The following ABCB6 variants were observed in gnomAD, a reference collection of about 807,000 sequenced individuals.
ABCB6 encodes the protein ATP-binding cassette sub-family B member 6.
In ABCB6, 87 loss-of-function variants were observed where a neutral mutation model predicts 99.4. That is an observed-to-expected ratio of 0.88 (90% CI 0.74 to 1.05). The LOEUF (loss-of-function observed/expected upper bound fraction) is 1.05. ABCB6 is among the 50% of genes least tolerant of loss of function. ABCB6 has a pLI of 0.00. For synonymous variants in ABCB6, 482 were observed against 447.5 expected, an observed-to-expected ratio of 1.08 and a Z score of -0.97; for missense variants, 1,050 against 1,097.9, an observed-to-expected ratio of 0.96 and a Z score of 0.62.
At chr2:219,212,334 C>T in intron 14 of ABCB6, 53 bp downstream of exon 14, 1 of 1,495,414 alleles carries the variant, frequency 6.7e-7, no homozygotes, top group South Asian at 1.1e-5. Flanking sequence ...CAGCCCTTAT[C>T]ATTCCTCCAC....
rs1456834027 is a variant in ABCB6 at position 219,214,206 on chromosome 2, T to C, written c.1387-20A>G. On this transcript the variant is annotated intron_variant, in intron 7 of 18. Coordinates refer to ENST00000265316, the MANE Select transcript of ABCB6 (RefSeq NM_005689.4). ...CTTCACCTGATGAATTCAAACCAAA[T>C]TTATTTGGCATGGGCACAGCACATG... The C allele has an allele frequency of 1.2e-6, 2 of 1,613,454 alleles. No homozygotes were observed. Among genetic ancestry groups the C allele is most frequent in the East Asian group, 2.2e-5 (1 of 44,886 alleles).
chr2:219,213,524 G>A (rs768056509), intron 10 of ABCB6, 22 bp from the exon 11 acceptor site: 3 of 1,614,092 alleles, frequency 1.9e-6, no homozygotes, highest in East Asian at 4.5e-5. Flanking sequence ...TGCTGGTTAG[G>A]ACTTCTCTGA....
chr2:219,218,393 C>T lies in ABCB6; in HGVS notation c.281G>A (p.Arg94Gln), dbSNP rs1950674956. The T allele has an allele frequency of 9.3e-6, 15 of 1,612,106 alleles. No homozygotes were observed. The highest frequency in any genetic ancestry group is 1.2e-5 in the Non-Finnish European group (14 of 1,179,580). ...TGGGGCCCCCCGGGCAGTGCCCACC[C>T]GGCCAGCCAGGCCGGCCAGGGGCAG... is the stretch of plus-strand genomic sequence containing the variant. ...AALPLAGLAG[R>Q]VGTARGAPLP... Residue 94 changes from arginine to glutamine, a missense_variant, in exon 1 of 19, where the codon CGG (arginine) becomes CAG (glutamine). Transcript: ENST00000265316.
Position 219,216,165 on chromosome 2 carries a change from AG to A in ABCB6, c.985del (p.Leu329CysfsTer93), listed in dbSNP as rs780950528. 11 of 1,595,086 alleles carry A rather than the reference AG, an allele frequency of 6.9e-6. No homozygotes were observed. The highest frequency in any genetic ancestry group is 3.4e-5 in the Admixed American group (2 of 58,282). On this transcript the variant is annotated frameshift_variant, in exon 5 of 19. Transcript: ENST00000265316. LOFTEE classifies it high-confidence loss of function. The surrounding 1 kb of genome is among the most constrained non-coding windows in gnomAD (Gnocchi z 4.2). ...CACCCGGATCCACAGGAAGGTGCGC[AG>A]GTTGCTCACGAAGCCTGCAGGGAGC... is the stretch of plus-strand genomic sequence containing the variant. ...GTGSTGFVSN[L>X]RTFLWIRVQQ...
rs765195871 is a variant in ABCB6 at position 219,212,455 on chromosome 2, G to A, written c.1900C>T (p.Arg634Cys). ...PSGAGKSTIL[R>C]LLFRFYDISS... ...ATGTCGTAGAAGCGAAACAGCAGGC[G>A]CAAAATTGTGCTCTTCCCTGCCCCA... Residue 634 changes from arginine (R) to cysteine (C), a missense_variant, in exon 14 of 19, where the codon CGC (arginine) becomes TGC (cysteine). Arg to Cys is a radical substitution (Grantham distance 180). Transcript: ENST00000265316. 3.2e-5 allele frequency: 51 copies of A among 1,613,968 alleles called. No individual in the cohort carries two copies. Among genetic ancestry groups the A allele is most frequent in the South Asian group, 4.4e-5 (4 of 91,080 alleles).
At chr2:219,215,210 C>T (rs1950624562) in intron 5 of ABCB6, 128 bp from the exon 6 acceptor site, 1 of 1,214,988 alleles carries the variant, frequency 8.2e-7, no homozygotes, top group South Asian at 1.5e-5. Context: ...TTAATTCTAC[C>T]CTCAAGAGGT....
intron 14 of ABCB6, among the ~76,000 whole-genome samples, chr2:219,211,905 A>G (rs1298864273): frequency 6.6e-6 from 1 of 151,750 alleles, no homozygotes; most frequent in Non-Finnish European, 1.5e-5. Flanking sequence ...CTGGGACTAC[A>G]GGCGCCCGCC....
In ABCB6 at chr2:219,210,959, A is replaced by G; in HGVS notation, c.2118T>C (p.His706=). 1 of 1,614,194 alleles carries G rather than the reference A, an allele frequency of 6.2e-7. No homozygotes were observed. Among genetic ancestry groups the G allele is most frequent in the Non-Finnish European group, 8.5e-7 (1 of 1,180,026 alleles). Reference sequence around the variant, plus strand: ...CTTCAGGGAAAGCCATAATGGCATCATGGATGCCTGCAGCCTGAGCAGCAG... The same window carrying G: ...CTTCAGGGAAAGCCATAATGGCATCGTGGATGCCTGCAGCCTGAGCAGCAG... ...VEAAAQAAGI[H]DAIMAFPEGY... The change falls in exon 15 of 19, where the codon CAT becomes CAC. Residue 706 remains histidine (H), a synonymous_variant. Coordinates refer to ENST00000265316, the MANE Select transcript of ABCB6 (RefSeq NM_005689.4).
At chr2:219,210,626 A>G (rs566473962) in intron 16 of ABCB6, 85 bp downstream of exon 16, 61 of 1,600,588 alleles carry the variant, frequency 3.8e-5, no homozygotes, top group Non-Finnish European at 5.0e-5. Flanking sequence ...AATTCATGGT[A>G]TCTGTTCTAG....
In ABCB6 at chr2:219,210,382, T is replaced by C. The variant is rs2106420840; in HGVS notation, c.2350A>G (p.Arg784Gly). The C allele has an allele frequency of 6.2e-7, 1 of 1,614,200 alleles. No individual in the cohort carries two copies. Among genetic ancestry groups the C allele is most frequent in the Non-Finnish European group, 8.5e-7 (1 of 1,180,032 alleles). The part of the protein sequence containing the change: ...ANRTTIVVAH[R>G]LSTVVNADQI... ...CGCCCCAGGCCTGTAGTCCTGTACC[T>C]GTGTGCCACTACGATGGTGGTGCGG... is the stretch of plus-strand genomic sequence containing the variant. Residue 784 changes from arginine (R) to glycine (G), a missense_variant and splice_region_variant, in exon 17 of 19, where the codon AGG becomes GGG. Transcript: ENST00000265316.
intron 14 of ABCB6, among the ~76,000 whole-genome samples, 167 bp downstream of exon 14, chr2:219,212,220 A>G (rs1373960950): frequency 6.6e-6 from 1 of 152,108 alleles, no homozygotes; most frequent in African/African-American, 2.4e-5. Flanking sequence ...ATGGCACCAT[A>G]CAAATCCTTA....
At position 219,218,410 on chromosome 2, in the gene ABCB6, CA is replaced by C. The variant is rs1559239512; in HGVS notation, c.263del (p.Leu88ArgfsTer162). ...TGCCCACCCGGCCAGCCAGGCCGGC[CA>C]GGGGCAGCGCCGCCTGAAGTGTGGC... ...LLATLQAALP[L>X]AGLAGRVGTA... On this transcript the variant is annotated frameshift_variant, in exon 1 of 19. Transcript: ENST00000265316. LOFTEE classifies it high-confidence loss of function. The C allele has an allele frequency of 4.3e-6, 7 of 1,611,494 alleles. No individual in the cohort carries two copies. The highest frequency in any genetic ancestry group is 5.9e-6 in the Non-Finnish European group (7 of 1,179,276).
Position 219,214,395 on chromosome 2 carries a change from G to C in ABCB6, c.1380C>G (p.Phe460Leu), listed in dbSNP as rs777543848. 1.2e-6 allele frequency: 2 copies of C among 1,613,706 alleles called. No individual in the cohort carries two copies. Among genetic ancestry groups the C allele is most frequent in the Non-Finnish European group, 1.7e-6 (2 of 1,179,628 alleles). Residue 460 changes from phenylalanine (F) to leucine (L), a missense_variant, in exon 7 of 19, where the codon TTC (phenylalanine) becomes TTG (leucine). Phe to Leu is a conservative substitution (Grantham distance 22, BLOSUM62 0). Transcript: ENST00000265316. The part of the protein sequence containing the change: ...RARAVDSLLN[F>L]ETVKYYNAES... ...CCACCGGGCCCTCTGTTACCGTCTC[G>C]AAGTTTAGCAGAGAGTCCACTGCTC...
chr2:219,216,690 GC>G lies in ABCB6; in HGVS notation c.829del (p.Ala277HisfsTer14), dbSNP rs747139680. ...GAATATAGGCACCAACACATTGAGT[GC>G]CCGTTCCAAACCCATGAGCCCCAGG... ...ICLGLMGLER[A>X]LNVLVPIFYR... is the part of the protein sequence containing the mutation. On this transcript the variant is annotated frameshift_variant, in exon 3 of 19. Coordinates refer to ENST00000265316, the MANE Select transcript of ABCB6 (RefSeq NM_005689.4). LOFTEE classifies it high-confidence loss of function. The surrounding 1 kb of genome is among the most constrained non-coding windows in gnomAD (Gnocchi z 4.2). 1.3e-5 allele frequency: 20 copies of G among 1,580,718 alleles called. 1 individual carries two copies. In the South Asian group the frequency reaches 2.3e-4, roughly 18 times the overall value.
Position 219,214,513 on chromosome 2 carries a change from G to C in ABCB6, c.1277-15C>G. On this transcript the variant is annotated splice_polypyrimidine_tract_variant and intron_variant, in intron 6 of 18. Transcript: ENST00000265316. ...AATGGTCAGGGCTGGAGAGTGACAG[G>C]ATGGGGAGCAGAATAGGACATCATC... 1.9e-6 allele frequency: 3 copies of C among 1,582,516 alleles called. No homozygotes were observed. The highest frequency in any genetic ancestry group is 2.6e-6 in the Non-Finnish European group (3 of 1,151,222).
At position 219,218,344 on chromosome 2, in the gene ABCB6, G is replaced by A; in HGVS notation, c.330C>T (p.Ala110=). Residue 110 remains alanine, a synonymous_variant, in exon 1 of 19, where the codon GCC becomes GCT. Transcript: ENST00000265316. ...CGCCGGCCAGACTCTCCAGCACGGA[G>A]GCCAGAAGTAGATAGCTTGGCAGTG... ...GAPLPSYLLL[A]SVLESLAGAC... 6.2e-7 allele frequency: 1 copy of A among 1,613,172 alleles called. No individual in the cohort carries two copies. The highest frequency in any genetic ancestry group is 8.5e-7 in the Non-Finnish European group (1 of 1,180,026).
chr2:219,215,944 T>C (rs1247565370), intron 5 of ABCB6, 53 bp downstream of exon 5: 1 of 1,478,158 alleles, frequency 6.8e-7, no homozygotes, highest in Non-Finnish European at 9.0e-7. Flanking sequence ...CGGGCCCCTA[T>C]CCCTGCTTCT....
rs772367675 is a variant in ABCB6 at position 219,216,866 on chromosome 2, G to C, written c.688-34C>G. The C allele has an allele frequency of 6.3e-7, 1 of 1,581,334 alleles. No homozygotes were observed. Among genetic ancestry groups the C allele is most frequent in the Non-Finnish European group, 8.6e-7 (1 of 1,165,016 alleles). On this transcript the variant is annotated intron_variant, in intron 2 of 18. Transcript: ENST00000265316. The surrounding 1 kb of genome is among the most constrained non-coding windows in gnomAD (Gnocchi z 4.2). ...GTGAAACACGTAGGAAGGGAGCTCA[G>C]AAATCAAGTAAGTGCACTAGCCAGA...
At chr2:219,214,015 T>C in intron 8 of ABCB6, 64 bp from the exon 9 acceptor site, 1 of 1,612,204 alleles carries the variant, frequency 6.2e-7, no homozygotes, top group Non-Finnish European at 8.5e-7. Context: ...AGTCCAAACC[T>C]GGGCCCAGGC....
Sources: gnomAD v4.1 joint callset for allele counts (sites outside exome capture counted in the v4.1 genomes callset) on GRCh38, gnomAD v4.1.1 for gene constraint, Gnocchi (gnomAD v3.1) non-coding constraint, MANE v1.5 for transcripts, NCBI Gene and HGNC (gene_info 2026-07-23, HGNC 2026-07-21) for gene names.